The following DAB1 variants were observed in gnomAD, a reference collection of about 807,000 sequenced individuals.
DAB1 encodes the protein disabled homolog 1.
A neutral mutation model predicts 64.6 loss-of-function variants in DAB1; 15 were observed. The ratio of observed to expected loss-of-function variants is 0.23; its 90% CI spans 0.16 to 0.36. The LOEUF is 0.36. DAB1 is among the 10% of genes least tolerant of loss of function. The pLI is 1.00. For missense variants in DAB1, 596 were observed against 706.7 expected, an observed-to-expected ratio of 0.84 and a Z score of 1.78; for synonymous variants, 235 against 251.9, an observed-to-expected ratio of 0.93 and a Z score of 0.64.
intron 3 of DAB1, among the ~76,000 whole-genome samples, chr1:58,496,818 G>C (rs543792265): frequency 6.6e-6 from 1 of 152,262 alleles, no homozygotes; most frequent in South Asian, 2.1e-4. Flanking sequence ...TGGCTGGTCT[G>C]AGTTCTAAAT....
At chr1:57,376,977 G>T (rs564979222) in intron 1 of DAB1, among the ~76,000 whole-genome samples, 2 of 152,252 alleles carry the variant, frequency 1.3e-5, no homozygotes, top group Non-Finnish European at 2.9e-5. Flanking sequence ...AATTTAAAAG[G>T]CCGGCCACTG....
intron 5 of DAB1, among the ~76,000 whole-genome samples, chr1:58,099,769 C>A (rs1487250721): frequency 1.3e-5 from 2 of 152,312 alleles, no homozygotes; most frequent in South Asian, 2.1e-4. Flanking sequence ...TACAAGTAAA[C>A]AACTTGCACA....
intron 5 of DAB1, among the ~76,000 whole-genome samples, chr1:57,999,496 T>C (rs979426161): frequency 1.3e-5 from 2 of 152,150 alleles, no homozygotes; most frequent in Non-Finnish European, 2.9e-5. Flanking sequence ...AGCCAGGAAA[T>C]AGTGGGGTGG....
At chr1:58,077,015 C>T (rs1165404080) in intron 5 of DAB1, among the ~76,000 whole-genome samples, 1 of 152,120 alleles carries the variant, frequency 6.6e-6, no homozygotes, top group African/African-American at 2.4e-5. Flanking sequence ...TTGGCTCAGG[C>T]CCTGTGCAAG....
intron 7 of DAB1, among the ~76,000 whole-genome samples, chr1:57,608,102 C>T (rs1337133268): frequency 1.3e-5 from 2 of 152,158 alleles, no homozygotes; most frequent in African/African-American, 4.8e-5. Context: ...ATACTCTAGG[C>T]TACACCTCCC....
intron 5 of DAB1, among the ~76,000 whole-genome samples, chr1:58,126,218 A>C (rs1319219444): frequency 6.6e-6 from 1 of 152,192 alleles, no homozygotes; most frequent in Non-Finnish European, 1.5e-5. Context: ...CCATTTGCTT[A>C]ACCAGAGCCA....
intron 1 of DAB1, among the ~76,000 whole-genome samples, chr1:57,311,557 AC>A (rs1343801237): frequency 6.8e-6 from 1 of 148,030 alleles, no homozygotes; most frequent in Non-Finnish European, 1.5e-5. Context: ...CTTGGCTGGA[AC>A]CTGTCTGAAG....
intron 5 of DAB1, among the ~76,000 whole-genome samples, chr1:57,932,917 T>C (rs1570020316): frequency 6.6e-6 from 1 of 152,356 alleles, no homozygotes; most frequent in East Asian, 1.9e-4. Flanking sequence ...TAGGCTCTCA[T>C]AAAACCCCAT....
At chr1:57,046,255 A>G (rs1365568956) in intron 9 of DAB1, among the ~76,000 whole-genome samples, 1 of 152,232 alleles carries the variant, frequency 6.6e-6, no homozygotes, top group Non-Finnish European at 1.5e-5. Context: ...AAGTAGATAC[A>G]GCTTGCCAAG....
At chr1:57,652,307 T>C (rs1646266065) in intron 6 of DAB1, among the ~76,000 whole-genome samples, 1 of 151,902 alleles carries the variant, frequency 6.6e-6, no homozygotes, top group Non-Finnish European at 1.5e-5. Context: ...AGAAGGACCA[T>C]TTCTCACACC....
At chr1:58,396,137 G>C (rs116417497) in intron 3 of DAB1, among the ~76,000 whole-genome samples, 2,162 of 151,724 alleles carry the variant, frequency 0.014, 29 homozygotes, top group Admixed American at 0.023. Flanking sequence ...GGGAGGGGAG[G>C]GGGGGATGGA....
At chr1:57,491,382 T>C (rs548432022) in intron 7 of DAB1, among the ~76,000 whole-genome samples, 16 of 152,182 alleles carry the variant, frequency 1.1e-4, no homozygotes, top group African/African-American at 3.6e-4. Context: ...GAGCCGAGAT[T>C]GCGCCACTGC....
chr1:57,071,412 T>C, intron 6 of DAB1, 110 bp downstream of exon 6: 1 of 1,311,972 alleles, frequency 7.6e-7, no homozygotes. Context: ...GAATCTTTCA[T>C]CTTCGTTTAT....
At chr1:57,244,274 G>A (rs1011375541) in intron 2 of DAB1, among the ~76,000 whole-genome samples, 1 of 152,132 alleles carries the variant, frequency 6.6e-6, no homozygotes, top group Non-Finnish European at 1.5e-5. Context: ...ATACTTTTCT[G>A]TCTTTGTACT....
intron 6 of DAB1, among the ~76,000 whole-genome samples, chr1:57,738,133 T>C (rs911358192): frequency 3.9e-5 from 6 of 152,320 alleles, no homozygotes; most frequent in African/African-American, 4.8e-5. Context: ...CCTGGCCCTA[T>C]CCTATTTTAG....
intron 5 of DAB1, among the ~76,000 whole-genome samples, chr1:57,940,909 G>A (rs1360771071): frequency 1.3e-5 from 2 of 152,266 alleles, no homozygotes; most frequent in Non-Finnish European, 2.9e-5. Context: ...CCTACGTGAT[G>A]GGGAGAAAAA....
intron 14 of DAB1, among the ~76,000 whole-genome samples, chr1:57,003,117 T>C (rs912505774): frequency 7.9e-5 from 12 of 152,232 alleles, no homozygotes; most frequent in African/African-American, 2.9e-4. Context: ...AGAATGGTGC[T>C]GGACCAGCCT....
intron 9 of DAB1, among the ~76,000 whole-genome samples, chr1:57,055,194 C>A (rs991404457): frequency 3.3e-5 from 5 of 152,164 alleles, no homozygotes; most frequent in African/African-American, 1.2e-4. Flanking sequence ...AAGCTTCCAG[C>A]TGCCTTGACC....
At chr1:57,862,438 C>T (rs570832363) in intron 1 of DAB1, 3 of 152,256 alleles carry the variant, frequency 2.0e-5, no homozygotes, top group South Asian at 4.1e-4. Context: ...TTAAAGATTG[C>T]TGTGTTCTTG....
Sources: gnomAD v4.1 joint callset for allele counts (sites outside exome capture counted in the v4.1 genomes callset) on GRCh38, gnomAD v4.1.1 for gene constraint, MANE v1.5 for transcripts, NCBI Gene and HGNC (gene_info 2026-07-23, HGNC 2026-07-21) for gene names.